The following ADCY2 variants were observed in gnomAD, a reference collection of about 807,000 sequenced individuals.
The protein encoded by ADCY2 is adenylate cyclase 2.
In ADCY2, 31 loss-of-function variants were observed where a neutral mutation model predicts 125.2. That is an observed-to-expected ratio of 0.25 (90% CI 0.19 to 0.33). The LOEUF (loss-of-function observed/expected upper bound fraction) is 0.33, where lower values mean the gene tolerates loss of function less well. Among genes scored for constraint, ADCY2 ranks in the 10% least tolerant of loss-of-function variants. ADCY2 has a pLI of 1.00. For synonymous variants in ADCY2, 512 were observed against 548.4 expected (o/e 0.93, Z 0.93); for missense variants, 904 against 1,418.2 (o/e 0.64, Z 5.82).
At chr5:7,813,860 T>A (rs1325044093) in intron 22 of ADCY2, among the ~76,000 whole-genome samples, 1 of 152,224 alleles carries the variant, frequency 6.6e-6, no homozygotes, top group Non-Finnish European at 1.5e-5. Context: ...GCAAAATCAT[T>A]TCTCCATGGC....
chr5:7,746,819 G>A (rs1742639702), intron 15 of ADCY2, among the ~76,000 whole-genome samples: 3 of 152,328 alleles, frequency 2.0e-5, no homozygotes, highest in Admixed American at 2.0e-4. Flanking sequence ...CATAAAGGAA[G>A]CTGAAGAGAG....
Position 7,396,626 on chromosome 5 carries a change from G to A in ADCY2, c.210+120G>A. 1 of 674,328 alleles carries A rather than the reference G, an allele frequency of 1.5e-6. No homozygotes were observed. Among genetic ancestry groups the A allele is most frequent in the Non-Finnish European group, 2.1e-6 (1 of 486,748 alleles). The allele number at this position is 674,328 out of a possible 1,614,324, so 41.8% of individuals were successfully genotyped here. A position where few individuals can be genotyped will look rare whatever the true frequency, so the allele number is the denominator to read the frequency against. On this transcript the variant is annotated intron_variant, in intron 1 of 24. Coordinates refer to ENST00000338316, the MANE Select transcript of ADCY2 (RefSeq NM_020546.3). This position sits in a 1 kb window ranked among gnomAD's most constrained non-coding sequence, Gnocchi z 5.7. ...GGCCCGCGGCAGCCCCTCGGCCCGC[G>A]GCAGCCCCTCGGCCCGCGGCTCCCT...
intron 4 of ADCY2, among the ~76,000 whole-genome samples, chr5:7,668,649 G>C (rs908092285): frequency 7.2e-5 from 11 of 152,164 alleles, no homozygotes; most frequent in Non-Finnish European, 1.5e-4. Flanking sequence ...AAAAATAATT[G>C]ATATGAACAG....
In ADCY2 at chr5:7,462,146, C is replaced by T. The variant is rs185875666; in HGVS notation, c.408+47376C>T. On this transcript the variant is annotated intron_variant, in intron 2 of 24. Transcript: ENST00000338316. ...AGCAAGTGGAATTGTCTACAGAATG[C>T]GGCCTAAGTATTCTATTAGGCCTAA... is the stretch of plus-strand genomic sequence containing the variant. Among the ~76,000 whole-genome samples the T allele has an allele frequency of 1.1e-4, 17 of 152,308 alleles. No individual in the cohort carries two copies. The East Asian group carries it at 1.9e-3, about 17-fold the overall frequency.
intron 2 of ADCY2, among the ~76,000 whole-genome samples, chr5:7,481,778 G>A (rs1412186168): frequency 6.6e-6 from 1 of 151,894 alleles, no homozygotes; most frequent in East Asian, 1.9e-4. Context: ...TGATTTGTGT[G>A]TGTGTGTGTG....
intron 3 of ADCY2, among the ~76,000 whole-genome samples, chr5:7,534,022 A>G (rs1734737908): frequency 6.6e-6 from 1 of 152,134 alleles, no homozygotes; most frequent in South Asian, 2.1e-4. Context: ...ATATTCCTTG[A>G]TAATGTCATT....
At chr5:7,589,511 AAAAG>A (rs1349415960) in intron 3 of ADCY2, among the ~76,000 whole-genome samples, 1 of 110,366 alleles carries the variant, frequency 9.1e-6, no homozygotes, top group Non-Finnish European at 2.0e-5. Flanking sequence ...AGAAAGAAAG[AAAAG>A]AAAAGAAAGA....
intron 20 of ADCY2, chr5:7,796,076 A>G (rs1229526339): frequency 1.3e-5 from 2 of 152,228 alleles, no homozygotes; most frequent in East Asian, 1.9e-4. Flanking sequence ...AAGCCAAAAA[A>G]AAAAGGACTT....
At chr5:7,814,531 C>T (rs326151) in intron 22 of ADCY2, among the ~76,000 whole-genome samples, 19,179 of 152,116 alleles carry the variant, frequency 0.13, 3,586 homozygotes, top group African/African-American at 0.41. Context: ...GGTGCCAAGG[C>T]TGAGAAACCC....
intron 4 of ADCY2, among the ~76,000 whole-genome samples, chr5:7,680,353 T>A (rs569464155): frequency 6.6e-6 from 1 of 152,308 alleles, no homozygotes; most frequent in African/African-American, 2.4e-5. Context: ...CTCAAAATGC[T>A]GATAGCGCTG....
intron 3 of ADCY2, among the ~76,000 whole-genome samples, chr5:7,552,055 A>G (rs1278718592): frequency 1.3e-5 from 2 of 152,210 alleles, no homozygotes; most frequent in Admixed American, 6.5e-5. Flanking sequence ...ATTACTATCA[A>G]TGGCTTAATG....
At chr5:7,480,799 C>CAAAT (rs1284712598) in intron 2 of ADCY2, among the ~76,000 whole-genome samples, 1 of 152,156 alleles carries the variant, frequency 6.6e-6, no homozygotes, top group Non-Finnish European at 1.5e-5. Flanking sequence ...CACATTGTTG[C>CAAAT]AAATGACAGA....
chr5:7,665,610 G>A (rs989826960), intron 4 of ADCY2, among the ~76,000 whole-genome samples: 3 of 151,924 alleles, frequency 2.0e-5, no homozygotes, highest in African/African-American at 4.8e-5. Context: ...TTGTCGTGAC[G>A]AGGTCACACC....
At chr5:7,761,143 C>CTTTTTT (rs1482654809) in intron 16 of ADCY2, among the ~76,000 whole-genome samples, 31 of 64,502 alleles carry the variant, frequency 4.8e-4, no homozygotes, top group African/African-American at 8.1e-4. Context: ...CTTTTCTTTT[C>CTTTTTT]TTTTCTTTTT....
chr5:7,437,906 C>G (rs898857507), intron 2 of ADCY2, among the ~76,000 whole-genome samples: 2 of 152,156 alleles, frequency 1.3e-5, no homozygotes, highest in Admixed American at 1.3e-4. Flanking sequence ...TCAGAATATC[C>G]CTTTCCTTTG....
chr5:7,656,886 A>C (rs951445808), intron 4 of ADCY2, among the ~76,000 whole-genome samples: 1 of 152,226 alleles, frequency 6.6e-6, no homozygotes, highest in Non-Finnish European at 1.5e-5. Flanking sequence ...GAGTATCCAG[A>C]ATCTGAAAAT....
At chr5:7,501,615 T>C (rs1455238298) in intron 2 of ADCY2, among the ~76,000 whole-genome samples, 1 of 114,504 alleles carries the variant, frequency 8.7e-6, no homozygotes, top group Non-Finnish European at 1.7e-5. Flanking sequence ...TGTTTCCTCA[T>C]ATCCCATCAA....
At chr5:7,665,189 A>G (rs1561153815) in intron 4 of ADCY2, among the ~76,000 whole-genome samples, 1 of 152,150 alleles carries the variant, frequency 6.6e-6, no homozygotes, top group Non-Finnish European at 1.5e-5. Flanking sequence ...AGTCTCTTCA[A>G]ATATTTTACA....
intron 18 of ADCY2, among the ~76,000 whole-genome samples, chr5:7,775,174 T>TG (rs1491475089): frequency 4.6e-5 from 5 of 109,848 alleles, no homozygotes; most frequent in Admixed American, 1.0e-4. Flanking sequence ...GCCCAGCTAC[T>TG]TTGTGTGTGT....
Sources: allele counts gnomAD v4.1 joint callset (sites outside exome capture counted in the v4.1 genomes callset), GRCh38; gene constraint gnomAD v4.1.1; non-coding constraint Gnocchi (gnomAD v3.1); transcripts MANE v1.5; gene names NCBI Gene and HGNC (gene_info 2026-07-23, HGNC 2026-07-21).